Variants in CAB39L observed in about 807,000 individuals in gnomAD.
The protein encoded by CAB39L is calcium binding protein 39 like, also known as calcium-binding protein 39-like.
A neutral mutation model predicts 39.1 loss-of-function variants in CAB39L; 23 were observed. That is an observed-to-expected ratio of 0.59 (90% CI 0.42 to 0.83). The LOEUF is 0.83. Ranked by LOEUF, CAB39L falls within the 40% of genes least tolerant of loss-of-function variation. The pLI is 0.00. For missense variants in CAB39L, 366 were observed against 391.9 expected, an observed-to-expected ratio of 0.93 and a Z score of 0.56; for synonymous variants, 126 against 137.2, an observed-to-expected ratio of 0.92 and a Z score of 0.57.
intron 3 of CAB39L, among the ~76,000 whole-genome samples, chr13:49,413,326 A>G (rs1957028719): frequency 6.6e-6 from 1 of 152,204 alleles, no homozygotes; most frequent in South Asian, 2.1e-4. Context: ...AATTGTACAA[A>G]AATCATAGAC....
intron 3 of CAB39L, among the ~76,000 whole-genome samples, chr13:49,384,120 G>T (rs1270620205): frequency 6.6e-6 from 1 of 152,214 alleles, no homozygotes; most frequent in Non-Finnish European, 1.5e-5. Context: ...CAAAATTGAA[G>T]TCAGTCCTCT....
intron 10 of CAB39L, among the ~76,000 whole-genome samples, chr13:49,327,018 T>C (rs1299163738): frequency 6.6e-6 from 1 of 152,200 alleles, no homozygotes; most frequent in Non-Finnish European, 1.5e-5. Flanking sequence ...CCTACAGCAC[T>C]CTATTTTTGT....
At chr13:49,380,355 C>T (rs563599582) in intron 4 of CAB39L, among the ~76,000 whole-genome samples, 1 of 152,276 alleles carries the variant, frequency 6.6e-6, no homozygotes, top group Admixed American at 6.5e-5. Context: ...CATAAGCTTT[C>T]TTTGTCAATC....
intron 3 of CAB39L, among the ~76,000 whole-genome samples, chr13:49,424,860 TA>T (rs1312899933): frequency 4.6e-5 from 7 of 152,154 alleles, no homozygotes; most frequent in Non-Finnish European, 8.8e-5. Context: ...AATTTCTAAA[TA>T]AGTTTAATGT....
chr13:49,370,225 G>T (rs1288545888), intron 5 of CAB39L, among the ~76,000 whole-genome samples: 2 of 152,054 alleles, frequency 1.3e-5, no homozygotes, highest in African/African-American at 4.8e-5. Flanking sequence ...TATAGGGAAT[G>T]AAACTACAAG....
chr13:49,411,438 C>T (rs1317740828), intron 3 of CAB39L, among the ~76,000 whole-genome samples: 1 of 150,998 alleles, frequency 6.6e-6, no homozygotes, highest in Non-Finnish European at 1.5e-5. Flanking sequence ...GAAAATCCCC[C>T]ACCTCCCTCT....
At chr13:49,364,904 C>T (rs2138520342) in intron 5 of CAB39L, among the ~76,000 whole-genome samples, 1 of 152,262 alleles carries the variant, frequency 6.6e-6, no homozygotes. Context: ...CAATCCCTAT[C>T]AAAATACCAA....
intron 3 of CAB39L, among the ~76,000 whole-genome samples, chr13:49,394,599 A>G (rs1355711267): frequency 6.6e-6 from 1 of 152,170 alleles, no homozygotes; most frequent in African/African-American, 2.4e-5. Flanking sequence ...GCAATTTTTT[A>G]TCATAAAAAA....
At chr13:49,429,870 A>G (rs1957293959) in intron 3 of CAB39L, among the ~76,000 whole-genome samples, 1 of 152,188 alleles carries the variant, frequency 6.6e-6, no homozygotes, top group African/African-American at 2.4e-5. Flanking sequence ...TTCATTTACT[A>G]TAGTCTTGAG....
intron 5 of CAB39L, among the ~76,000 whole-genome samples, chr13:49,361,505 CAGAA>C (rs1175268319): frequency 1.9e-5 from 2 of 106,244 alleles, no homozygotes; most frequent in Non-Finnish European, 4.0e-5. Context: ...AAAAAAGAGA[CAGAA>C]AGAAAGGAAA....
chr13:49,426,655 G>A (rs1008414670), intron 3 of CAB39L, among the ~76,000 whole-genome samples: 1 of 152,182 alleles, frequency 6.6e-6, no homozygotes, highest in Non-Finnish European at 1.5e-5. Flanking sequence ...TCGTTCCCCT[G>A]ACCTCGTGAT....
At chr13:49,331,291 C>T (rs1954686087) in intron 10 of CAB39L, among the ~76,000 whole-genome samples, 3 of 151,812 alleles carry the variant, frequency 2.0e-5, no homozygotes, top group East Asian at 3.9e-4. Flanking sequence ...CGGTGAAAAT[C>T]GCTTTTACTA....
In CAB39L at chr13:49,309,077, T is replaced by A. The variant is rs1231289592; in HGVS notation, c.*1737A>T. On this transcript the variant is annotated 3_prime_UTR_variant, in exon 11 of 11. Transcript: ENST00000409308. ...TTCATTTTTTATACTTACACTCATCTCTTTTAATTAAATAAGCGAAACCAG... is the reference window on the plus strand; with the variant it reads ...TTCATTTTTTATACTTACACTCATCACTTTTAATTAAATAAGCGAAACCAG... 1.3e-5 allele frequency: 2 copies of A among 152,256 alleles called. No individual in the cohort carries two copies. The highest frequency in any genetic ancestry group is 2.4e-5 in the African/African-American group (1 of 41,464). 9.4% of individuals were successfully genotyped at this position (152,256 alleles called of 1,614,324 possible).
chr13:49,378,284 C>T (rs1311973762), intron 4 of CAB39L, among the ~76,000 whole-genome samples: 3 of 86,176 alleles, frequency 3.5e-5, no homozygotes, highest in East Asian at 2.3e-4. Context: ...ACCCCCCGCC[C>T]GGCCAGCCGC....
intron 6 of CAB39L, among the ~76,000 whole-genome samples, chr13:49,357,591 T>G (rs1448214721): frequency 6.6e-6 from 1 of 152,218 alleles, no homozygotes; most frequent in East Asian, 1.9e-4. Flanking sequence ...TCTAAAATGT[T>G]TTAGTTTTTA....
intron 3 of CAB39L, among the ~76,000 whole-genome samples, chr13:49,408,627 C>G (rs576823449): frequency 6.6e-6 from 1 of 152,228 alleles, no homozygotes; most frequent in African/African-American, 2.4e-5. Flanking sequence ...AGTTCAAGAC[C>G]AGCCTGGACA....
intron 3 of CAB39L, among the ~76,000 whole-genome samples, chr13:49,393,604 A>G (rs1051987240): frequency 1.3e-5 from 2 of 151,958 alleles, no homozygotes; most frequent in African/African-American, 4.8e-5. Context: ...TGCATTATTT[A>G]TAATGAGCAC....
intron 1 of CAB39L, among the ~76,000 whole-genome samples, chr13:49,435,614 C>A (rs1957397991): frequency 6.6e-6 from 1 of 152,168 alleles, no homozygotes; most frequent in Admixed American, 6.5e-5. Context: ...AATTCTCCTC[C>A]CTCAGCCTCC....
chr13:49,382,741 T>C, intron 4 of CAB39L, 59 bp downstream of exon 4: 1 of 1,005,596 alleles, frequency 9.9e-7, no homozygotes, highest in South Asian at 1.3e-5. Flanking sequence ...GCTTTTACAT[T>C]GGTTTTTGGC....
Sources: gnomAD v4.1 joint callset for allele counts (sites outside exome capture counted in the v4.1 genomes callset) on GRCh38, gnomAD v4.1.1 for gene constraint, MANE v1.5 for transcripts, NCBI Gene and HGNC (gene_info 2026-07-23, HGNC 2026-07-21) for gene names.